The following RABGAP1L variants were observed in gnomAD, a reference collection of about 807,000 sequenced individuals.
The protein encoded by RABGAP1L is RAB GTPase activating protein 1 like.
RABGAP1L carries 63 observed loss-of-function variants against 137.7 expected under a neutral mutation model. The ratio of observed to expected loss-of-function variants is 0.46; its 90% CI spans 0.37 to 0.56. The LOEUF (loss-of-function observed/expected upper bound fraction) is 0.56, where lower values mean the gene tolerates loss of function less well. RABGAP1L is among the 20% of genes least tolerant of loss of function. The pLI is 0.00. For synonymous variants in RABGAP1L, 431 were observed against 433.7 expected (o/e 0.99, Z 0.08); for missense variants, 1,095 against 1,244.0 (o/e 0.88, Z 1.80).
chr1:174,606,248 T>G (rs769115292), intron 13 of RABGAP1L, among the ~76,000 whole-genome samples: 2 of 152,148 alleles, frequency 1.3e-5, no homozygotes, highest in East Asian at 1.9e-4. Flanking sequence ...AATGGCTAAG[T>G]GTAGATGTTA....
At chr1:174,403,524 C>T (rs74128387) in intron 13 of RABGAP1L, among the ~76,000 whole-genome samples, 4 of 151,952 alleles carry the variant, frequency 2.6e-5, no homozygotes, top group South Asian at 4.2e-4. Flanking sequence ...TAGTATCTAC[C>T]GGGATTTTTG....
chr1:174,163,215 C>T (rs989634887), intron 1 of RABGAP1L, among the ~76,000 whole-genome samples: 8 of 152,076 alleles, frequency 5.3e-5, no homozygotes, highest in East Asian at 3.9e-4. Context: ...ACTTTCAGAA[C>T]GGGAAATAAT....
chr1:174,966,840 G>A (rs1387558582), intron 20 of RABGAP1L, among the ~76,000 whole-genome samples: 1 of 152,014 alleles, frequency 6.6e-6, no homozygotes. Context: ...ATGGTTTTGT[G>A]TAGAATATGA....
chr1:174,394,267 A>G (rs1158192751), intron 13 of RABGAP1L, 122 bp downstream of exon 13: 4 of 1,140,768 alleles, frequency 3.5e-6, no homozygotes, highest in Non-Finnish European at 4.9e-6. Context: ...GAGGTCGTGA[A>G]GTCAGTACTT....
intron 10 of RABGAP1L, among the ~76,000 whole-genome samples, chr1:174,283,785 G>A (rs557785952): frequency 1.1e-3 from 170 of 152,318 alleles, no homozygotes; most frequent in Middle Eastern, 3.4e-3. Context: ...GGGATTATAG[G>A]CGTGAGCCAC....
At chr1:174,975,973 AT>A (rs1179499367) in intron 21 of RABGAP1L, 104 bp from the exon 22 acceptor site, 1 of 1,027,278 alleles carries the variant, frequency 9.7e-7, no homozygotes, top group Non-Finnish European at 1.4e-6. Context: ...ACTTGCAATA[AT>A]TTTGGAACAG....
Position 174,256,487 on chromosome 1 carries a change from A to T in RABGAP1L, c.986+3897A>T, listed in dbSNP as rs1673133553. On this transcript the variant is annotated intron_variant, in intron 7 of 25. Transcript: ENST00000681986. Reference sequence around the variant, plus strand: ...AAGCAGTCTGTGAGGAAACACATTAAGACCATGAAAATATGCTGGGCGCGG... The same window carrying T: ...AAGCAGTCTGTGAGGAAACACATTATGACCATGAAAATATGCTGGGCGCGG... 2.0e-5 allele frequency among the ~76,000 whole-genome samples: 3 copies of T among 152,218 alleles called. No individual in the cohort carries two copies. In the South Asian group the frequency reaches 6.2e-4, roughly 31 times the overall value.
chr1:174,195,730 CTTT>C (rs796663073), intron 1 of RABGAP1L, among the ~76,000 whole-genome samples: 5 of 110,404 alleles, frequency 4.5e-5, no homozygotes, highest in African/African-American at 1.9e-4. Flanking sequence ...TCTTTTCTTT[CTTT>C]TCTTTCTTTC....
chr1:174,888,736 G>A (rs1655601086), intron 19 of RABGAP1L, among the ~76,000 whole-genome samples: 1 of 152,026 alleles, frequency 6.6e-6, no homozygotes, highest in African/African-American at 2.4e-5. Flanking sequence ...GACCTCAAGT[G>A]ATCCACCCAC....
chr1:174,310,801 A>G (rs1251051454), intron 11 of RABGAP1L, among the ~76,000 whole-genome samples: 2 of 152,328 alleles, frequency 1.3e-5, no homozygotes, highest in South Asian at 2.1e-4. Context: ...TAAGCACATC[A>G]TGGAGAATGG....
chr1:174,534,801 AAAAT>A (rs1664768963), intron 13 of RABGAP1L, among the ~76,000 whole-genome samples: 3 of 144,566 alleles, frequency 2.1e-5, no homozygotes, highest in African/African-American at 8.4e-5. Context: ...AAAAAAAAAA[AAAAT>A]AATTAGAATA....
intron 11 of RABGAP1L, among the ~76,000 whole-genome samples, chr1:174,343,989 A>C (rs1682212818): frequency 6.6e-6 from 1 of 152,130 alleles, no homozygotes; most frequent in Non-Finnish European, 1.5e-5. Context: ...CTGGCCATTT[A>C]GGCCTGTTTC....
chr1:174,408,244 G>T (rs573976289), intron 13 of RABGAP1L, among the ~76,000 whole-genome samples: 35 of 152,180 alleles, frequency 2.3e-4, no homozygotes, highest in Non-Finnish European at 4.6e-4. Context: ...AGCCTCCATT[G>T]TCTGTTGTTG....
At chr1:174,389,196 G>A (rs1405485002) in intron 12 of RABGAP1L, among the ~76,000 whole-genome samples, 2 of 151,818 alleles carry the variant, frequency 1.3e-5, no homozygotes, top group Non-Finnish European at 2.9e-5. Context: ...TAACTTCTCC[G>A]TATCTAGTTC....
intron 1 of RABGAP1L, among the ~76,000 whole-genome samples, chr1:174,179,808 C>T (rs1470968563): frequency 1.3e-5 from 2 of 152,158 alleles, no homozygotes; most frequent in African/African-American, 4.8e-5. Context: ...ATGGACCACA[C>T]TTTGGGAATA....
chr1:174,165,338 C>T (rs1329716944), intron 1 of RABGAP1L, among the ~76,000 whole-genome samples: 7 of 151,980 alleles, frequency 4.6e-5, no homozygotes, highest in East Asian at 3.9e-4. Flanking sequence ...TTAGTACAGA[C>T]GGGGTTTCGC....
intron 13 of RABGAP1L, among the ~76,000 whole-genome samples, chr1:174,602,809 CT>C (rs1670514882): frequency 6.6e-6 from 1 of 152,070 alleles, no homozygotes; most frequent in African/African-American, 2.4e-5. Context: ...ATTGTAATCT[CT>C]TTGTTAAATT....
chr1:174,586,130 C>T (rs1458477560), intron 13 of RABGAP1L, among the ~76,000 whole-genome samples: 1 of 152,092 alleles, frequency 6.6e-6, no homozygotes, highest in Non-Finnish European at 1.5e-5. Context: ...AATCCAAATG[C>T]CCATCAATGA....
chr1:174,431,334 A>G (rs1652604815), intron 13 of RABGAP1L, among the ~76,000 whole-genome samples: 1 of 152,164 alleles, frequency 6.6e-6, no homozygotes, highest in Non-Finnish European at 1.5e-5. Context: ...TTTAATTTCC[A>G]GATTTGTTAG....
Sources: allele counts gnomAD v4.1 joint callset (sites outside exome capture counted in the v4.1 genomes callset), GRCh38; gene constraint gnomAD v4.1.1; transcripts MANE v1.5; gene names NCBI Gene and HGNC (gene_info 2026-07-23, HGNC 2026-07-21).